SYTL2: variants seen among roughly 807,000 people sequenced by gnomAD.
The protein encoded by SYTL2 is synaptotagmin-like protein 2.
A neutral mutation model predicts 198.7 loss-of-function variants in SYTL2; 165 were observed. The ratio of observed to expected loss-of-function variants is 0.83; its 90% confidence interval spans 0.73 to 0.94. The LOEUF (loss-of-function observed/expected upper bound fraction) is 0.94, where lower values mean the gene tolerates loss of function less well. Ranked by LOEUF, SYTL2 falls within the 40% of genes least tolerant of loss-of-function variation. The pLI, the probability that SYTL2 is intolerant of heterozygous loss-of-function variation, is 0.00. For missense variants in SYTL2, 2,835 were observed against 2,582.8 expected, an observed-to-expected ratio of 1.10 and a Z score of -2.12; for synonymous variants, 966 against 917.7, an observed-to-expected ratio of 1.05 and a Z score of -0.95.
Position 85,725,347 on chromosome 11 carries a change from A to G in SYTL2, c.4011T>C (p.Ala1337=). 3 of 1,613,984 alleles carry G rather than the reference A, an allele frequency of 1.9e-6. No individual in the cohort carries two copies. Among genetic ancestry groups the G allele is most frequent in the Middle Eastern group, 1.6e-4 (1 of 6,062 alleles). Residue 1337 remains alanine, a synonymous_variant, in exon 8 of 20, where the codon GCT becomes GCC. Coordinates refer to ENST00000359152, the MANE Select transcript of SYTL2 (RefSeq NM_206927.4). ...GTACCCTAGCCTGGGGAACAAGATG[A>G]GCATCCTGGGGAAAAAGCATATCTT... is the stretch of plus-strand genomic sequence containing the variant. ...PPQDMLFPQD[A]HLVPQARVHP... is the part of the protein sequence containing the mutation.
the SYTL2 span, among the ~76,000 whole-genome samples, chr11:85,834,121 CAA>C: frequency 1.3e-5 from 2 of 151,802 alleles, no homozygotes; most frequent in Non-Finnish European, 2.9e-5. Flanking sequence ...CTACCATGCA[CAA>C]GAGTTCACAG....
intron 7 of SYTL2, among the ~76,000 whole-genome samples, chr11:85,729,819 G>T (rs951340907): frequency 1.3e-5 from 2 of 152,046 alleles, no homozygotes; most frequent in Non-Finnish European, 2.9e-5. Context: ...CAGGTTTTTT[G>T]AAAAGATCAA....
chr11:85,709,258 A>G, intron 14 of SYTL2, 73 bp downstream of exon 14: 3 of 1,485,280 alleles, frequency 2.0e-6, no homozygotes, highest in African/African-American at 1.4e-5. Context: ...TGATTACTTT[A>G]TTTCCTTCCA....
intron 2 of SYTL2, among the ~76,000 whole-genome samples, chr11:85,749,688 G>A (rs770944245): frequency 1.3e-5 from 2 of 152,164 alleles, no homozygotes; most frequent in Non-Finnish European, 2.9e-5. Context: ...AGTCAGCAAC[G>A]ATATCATGGT....
chr11:85,696,353 T>C lies in SYTL2; in HGVS notation c.6404A>G (p.Gln2135Arg). 1 of 1,614,032 alleles carries C rather than the reference T, an allele frequency of 6.2e-7. No homozygotes were observed. ...ILPDTSRKSR[Q>R]KTRAVGKTTN... ...GGTTTTCCCTACAGCTCTTGTCTTCTGGCGACTTTTCCTACTTGTATCTGG... is the reference window on the plus strand; with the variant it reads ...GGTTTTCCCTACAGCTCTTGTCTTCCGGCGACTTTTCCTACTTGTATCTGG... Residue 2135 changes from glutamine (Q) to arginine (R), a missense_variant, in exon 19 of 20, where the codon CAG becomes CGG. By Grantham distance (43) the Gln-to-Arg change is conservative (BLOSUM62 1). Around this residue, in one of 3 missense-constraint regions of SYTL2, gnomAD observed 185 missense variants for 182.1 expected, o/e 1.02. Transcript: ENST00000359152.
intron 1 of SYTL2, among the ~76,000 whole-genome samples, chr11:85,791,089 C>A (rs1282309302): frequency 1.4e-5 from 2 of 144,790 alleles, no homozygotes; most frequent in African/African-American, 5.1e-5. Flanking sequence ...ATTGCTTGAA[C>A]CCCAGAGACG....
At chr11:85,755,065 A>G (rs941752056) in intron 2 of SYTL2, among the ~76,000 whole-genome samples, 2 of 152,202 alleles carry the variant, frequency 1.3e-5, no homozygotes, top group Non-Finnish European at 2.9e-5. Flanking sequence ...ACTCTGGTAG[A>G]AGAGGCAAAG....
intron 1 of SYTL2, among the ~76,000 whole-genome samples, chr11:85,784,731 A>G (rs571642111): frequency 2.6e-4 from 40 of 152,278 alleles, no homozygotes; most frequent in African/African-American, 8.9e-4. Context: ...ATCTATGCAC[A>G]TTAGAAGCAT....
intron 1 of SYTL2, among the ~76,000 whole-genome samples, chr11:85,773,914 GT>G (rs1591988227): frequency 1.3e-5 from 2 of 152,086 alleles, no homozygotes; most frequent in East Asian, 3.9e-4. Context: ...CTAAACCATA[GT>G]TCTTAAAAAG....
chr11:85,829,676 A>G, the SYTL2 span, among the ~76,000 whole-genome samples: 2 of 152,178 alleles, frequency 1.3e-5, no homozygotes, highest in Admixed American at 1.3e-4. Context: ...CTAACAGTGT[A>G]TAAGTGTTTC....
At chr11:85,771,083 T>C (rs549558153) in intron 1 of SYTL2, among the ~76,000 whole-genome samples, 8 of 152,208 alleles carry the variant, frequency 5.3e-5, no homozygotes, top group Non-Finnish European at 1.0e-4. Context: ...TATAGATATA[T>C]CAAATTCCCA....
At chr11:85,792,873 G>A (rs1464124958) in intron 1 of SYTL2, among the ~76,000 whole-genome samples, 1 of 151,626 alleles carries the variant, frequency 6.6e-6, no homozygotes, top group African/African-American at 2.4e-5. Context: ...GTGAGAACAT[G>A]CAGTGTTTGG....
At position 85,700,344 on chromosome 11, in the gene SYTL2, A is replaced by G. The variant is rs558870315; in HGVS notation, c.6268+171T>C. Among the ~76,000 whole-genome samples the G allele has an allele frequency of 5.3e-5, 8 of 149,830 alleles. No homozygotes were observed. In the East Asian group the frequency reaches 1.6e-3, roughly 29 times the overall value. ...TTCTTTTTTTTTTTTTTTTGCCACAATAACAAAAAAAGAATTTTCTTATTT... is the reference window on the plus strand; with the variant it reads ...TTCTTTTTTTTTTTTTTTTGCCACAGTAACAAAAAAAGAATTTTCTTATTT... On this transcript the variant is annotated intron_variant, in intron 17 of 19. Coordinates refer to ENST00000359152, the MANE Select transcript of SYTL2 (RefSeq NM_206927.4).
At chr11:85,853,337 G>A in the SYTL2 span, 75 of 445,470 alleles carry the variant, frequency 1.7e-4, no homozygotes, top group African/African-American at 1.4e-3. Flanking sequence ...TCTGCCTTGG[G>A]ATGCTGTTGA....
At chr11:85,777,792 C>T (rs2092478080) in intron 1 of SYTL2, among the ~76,000 whole-genome samples, 1 of 140,604 alleles carries the variant, frequency 7.1e-6, no homozygotes, top group African/African-American at 2.6e-5. Context: ...TTTCACTTAC[C>T]AGAATTACAG....
At chr11:85,759,091 C>A (rs1487321536) in intron 1 of SYTL2, among the ~76,000 whole-genome samples, 3 of 151,772 alleles carry the variant, frequency 2.0e-5, no homozygotes, top group African/African-American at 7.3e-5. Context: ...CTAAAAAATA[C>A]AAAAATTAGC....
chr11:85,790,859 C>T (rs1226080704), intron 1 of SYTL2, among the ~76,000 whole-genome samples: 2 of 151,928 alleles, frequency 1.3e-5, no homozygotes, highest in East Asian at 3.9e-4. Flanking sequence ...TGTGTATCTT[C>T]CAATAAAAAA....
upstream of SYTL2, among the ~76,000 whole-genome samples, chr11:85,811,707 G>A (rs1024184985): frequency 1.3e-5 from 2 of 152,218 alleles, no homozygotes; most frequent in African/African-American, 4.8e-5. Context: ...AGGTGAGGGC[G>A]TCATGCACTG....
chr11:85,815,540 T>C (rs1169182619), upstream of SYTL2, among the ~76,000 whole-genome samples: 1 of 152,272 alleles, frequency 6.6e-6, no homozygotes, highest in Non-Finnish European at 1.5e-5. Context: ...TGCCTTGAAC[T>C]TCTACAGCTC....
Sources: allele counts gnomAD v4.1 joint callset (sites outside exome capture counted in the v4.1 genomes callset), GRCh38; gene constraint gnomAD v4.1.1; regional missense constraint gnomAD v4.1.1; transcripts MANE v1.5; gene names NCBI Gene and HGNC (gene_info 2026-07-23, HGNC 2026-07-21).